ADAMTS17: variants seen among roughly 807,000 people sequenced by gnomAD.
ADAMTS17 encodes the protein ADAM metallopeptidase with thrombospondin type 1 motif 17.
A neutral mutation model predicts 141.5 loss-of-function variants in ADAMTS17; 113 were observed. The observed-to-expected ratio is 0.80, with a 90% confidence interval of 0.69 to 0.93. The LOEUF (loss-of-function observed/expected upper bound fraction) is 0.93, where lower values mean the gene tolerates loss of function less well. Among genes scored for constraint, ADAMTS17 ranks in the 40% least tolerant of loss-of-function variants. The pLI is 0.00. For synonymous variants in ADAMTS17, 768 were observed against 630.6 expected, an observed-to-expected ratio of 1.22 and a Z score of -3.27; for missense variants, 1,659 against 1,517.9, an observed-to-expected ratio of 1.09 and a Z score of -1.54.
chr15:100,143,456 C>T (rs4965590), intron 10 of ADAMTS17, among the ~76,000 whole-genome samples: 143,814 of 152,322 alleles, frequency 0.94, 68,425 homozygotes, highest in East Asian at 1. Context: ...CCCTTTCTAA[C>T]AAATATTTAC....
intron 18 of ADAMTS17, among the ~76,000 whole-genome samples, chr15:100,044,558 C>T (rs1344283753): frequency 6.6e-6 from 1 of 152,206 alleles, no homozygotes; most frequent in Non-Finnish European, 1.5e-5. Flanking sequence ...TGTTCCATGA[C>T]CATGAGCATA....
intron 9 of ADAMTS17, 59 bp from the exon 10 acceptor site, chr15:100,152,821 C>G: frequency 1.3e-6 from 2 of 1,515,868 alleles, no homozygotes; most frequent in Non-Finnish European, 1.8e-6. Flanking sequence ...TTTTTGTTTT[C>G]TTTTTCTTTT....
chr15:100,014,271 CTCTT>C (rs2061244921), intron 18 of ADAMTS17, among the ~76,000 whole-genome samples: 1 of 152,064 alleles, frequency 6.6e-6, no homozygotes, highest in Non-Finnish European at 1.5e-5. Context: ...TGGATTTTCT[CTCTT>C]CTTTTCTTGG....
intron 7 of ADAMTS17, among the ~76,000 whole-genome samples, chr15:100,200,250 CGGCAG>C (rs2041274638): frequency 6.6e-6 from 1 of 152,162 alleles, no homozygotes; most frequent in Admixed American, 6.5e-5. Flanking sequence ...GTTGGTGGGA[CGGCAG>C]GCCAGCCACT....
chr15:100,144,453 C>T (rs148693356), intron 10 of ADAMTS17, among the ~76,000 whole-genome samples: 9 of 151,974 alleles, frequency 5.9e-5, no homozygotes, highest in South Asian at 4.2e-4. Context: ...GTGAGGCTGA[C>T]GCAGGAGAAT....
At chr15:99,989,425 C>T (rs1433840394) in intron 20 of ADAMTS17, among the ~76,000 whole-genome samples, 1 of 152,208 alleles carries the variant, frequency 6.6e-6, no homozygotes, top group Non-Finnish European at 1.5e-5. Flanking sequence ...CCTTCCAATT[C>T]CCTGATGACA....
At chr15:100,214,601 G>A (rs1242598925) in intron 7 of ADAMTS17, among the ~76,000 whole-genome samples, 1 of 152,160 alleles carries the variant, frequency 6.6e-6, no homozygotes, top group Non-Finnish European at 1.5e-5. Flanking sequence ...CTATCTTCTG[G>A]AGGAGCATGG....
rs888676186 is a variant in ADAMTS17, at chr15:100,053,154, C to T, written c.2295+743G>A. On this transcript the variant is annotated intron_variant, in intron 16 of 21. Transcript: ENST00000268070. ...CAAATCCTGTTTTTTGGAAGGAGAC[C>T]CGGAATCGATAATGATGAGCCATCA... Among the ~76,000 whole-genome samples the T allele has an allele frequency of 2.6e-5, 4 of 152,138 alleles. No individual in the cohort carries two copies. In the East Asian group the frequency reaches 5.8e-4, roughly 22 times the overall value.
At chr15:100,100,663 A>T (rs541771787) in intron 14 of ADAMTS17, among the ~76,000 whole-genome samples, 1 of 152,116 alleles carries the variant, frequency 6.6e-6, no homozygotes, top group East Asian at 1.9e-4. Flanking sequence ...CTTCTCCTCC[A>T]TGTTCAGCTC....
chr15:100,332,620 T>C (rs901953670), intron 2 of ADAMTS17, among the ~76,000 whole-genome samples: 2 of 152,238 alleles, frequency 1.3e-5, no homozygotes, highest in African/African-American at 4.8e-5. Context: ...CAGCTGTTAG[T>C]TCTAAGCTGA....
intron 18 of ADAMTS17, among the ~76,000 whole-genome samples, chr15:100,021,048 C>G (rs2727110): frequency 6.6e-6 from 1 of 152,104 alleles, no homozygotes; most frequent in Non-Finnish European, 1.5e-5. Context: ...GTGGCTTCTT[C>G]CCTCTCATGG....
rs2032160703 is a variant in ADAMTS17, at chr15:100,051,708, A to G, written c.2319T>C (p.Asp773=). The G allele has an allele frequency of 6.2e-7, 1 of 1,614,222 alleles. No homozygotes were observed. The highest frequency in any genetic ancestry group is 2.2e-5 in the East Asian group (1 of 44,888). Residue 773 remains aspartate, a synonymous_variant, in exon 17 of 22, where the codon GAT becomes GAC. Coordinates refer to ENST00000268070, the MANE Select transcript of ADAMTS17 (RefSeq NM_139057.4). ...HLMVLLFHDQ[D]YGIHYEYTVP... ...CAGTGTATTCATAATGAATTCCATA[A>G]TCTTGGTCGTGAAATAACAACACCT...
chr15:100,007,275 T>G (rs1238463400), intron 18 of ADAMTS17, among the ~76,000 whole-genome samples: 2 of 152,016 alleles, frequency 1.3e-5, no homozygotes, highest in African/African-American at 4.8e-5. Context: ...AACTGACAAG[T>G]CTGGGATGTC....
intron 10 of ADAMTS17, among the ~76,000 whole-genome samples, chr15:100,148,760 G>A (rs34970580): frequency 4.9e-4 from 75 of 152,006 alleles, no homozygotes; most frequent in Non-Finnish European, 9.6e-4. Context: ...CAGGTGGGCA[G>A]GGGAGGGTAC....
Position 99,997,622 on chromosome 15 carries a change from C to T in ADAMTS17, c.2592-33G>A, listed in dbSNP as rs369460266. ...ACGGGAGGAAAGAGAGAGAGAACGACTGGGTGAGAGGCCAGCCTCTCCGGA... is the reference window on the plus strand; with the variant it reads ...ACGGGAGGAAAGAGAGAGAGAACGATTGGGTGAGAGGCCAGCCTCTCCGGA... On this transcript the variant is annotated intron_variant, in intron 18 of 21. Coordinates refer to ENST00000268070, the MANE Select transcript of ADAMTS17 (RefSeq NM_139057.4). The surrounding 1 kb of genome is among the most constrained non-coding windows in gnomAD (Gnocchi z 4.7). 5 of 1,611,612 alleles carry T rather than the reference C, an allele frequency of 3.1e-6. No individual in the cohort carries two copies. The highest frequency in any genetic ancestry group is 2.5e-6 in the Non-Finnish European group (3 of 1,179,734).
intron 8 of ADAMTS17, among the ~76,000 whole-genome samples, chr15:100,180,771 T>C (rs554321141): frequency 6.6e-6 from 1 of 152,352 alleles, no homozygotes; most frequent in African/African-American, 2.4e-5. Context: ...ATTTTATTTG[T>C]AGCTATTATA....
chr15:100,295,258 C>T (rs544075426), intron 3 of ADAMTS17, among the ~76,000 whole-genome samples: 4 of 152,144 alleles, frequency 2.6e-5, no homozygotes, highest in Non-Finnish European at 5.9e-5. Flanking sequence ...CTCTTGTCTC[C>T]CAGCCCCTCT....
intron 7 of ADAMTS17, among the ~76,000 whole-genome samples, chr15:100,225,956 G>C (rs1437736576): frequency 6.9e-6 from 1 of 145,358 alleles, no homozygotes; most frequent in African/African-American, 2.5e-5. Context: ...AGTCCTTATA[G>C]CAGTCATAGC....
rs1224945280 is a variant in ADAMTS17 at position 100,341,036 on chromosome 15, T to A, written c.450+3A>T. On this transcript the variant is annotated splice_donor_region_variant and intron_variant, in intron 2 of 21. Coordinates refer to ENST00000268070, the MANE Select transcript of ADAMTS17 (RefSeq NM_139057.4). ...GCCGACCCGGAGGTGGCGCGGGCAGTACCAGGCCGCCGGCGGCGCCGCAGG... is the reference window on the plus strand; with the variant it reads ...GCCGACCCGGAGGTGGCGCGGGCAGAACCAGGCCGCCGGCGGCGCCGCAGG... 6.6e-7 allele frequency: 1 copy of A among 1,505,196 alleles called. No homozygotes were observed. The highest frequency in any genetic ancestry group is 2.0e-5 in the Admixed American group (1 of 50,046). 93.2% of individuals were successfully genotyped at this position (1,505,196 alleles called of 1,614,324 possible).
Sources: allele counts gnomAD v4.1 joint callset (sites outside exome capture counted in the v4.1 genomes callset), GRCh38; gene constraint gnomAD v4.1.1; non-coding constraint Gnocchi (gnomAD v3.1); transcripts MANE v1.5; gene names NCBI Gene and HGNC (gene_info 2026-07-23, HGNC 2026-07-21).